The following ACAT1 variants were observed in gnomAD, a reference collection of about 807,000 sequenced individuals.
The protein encoded by ACAT1 is acetyl-CoA acetyltransferase, mitochondrial.
Under a neutral mutation model 47.3 loss-of-function variants are expected in ACAT1, and 28 were observed. That is an observed-to-expected ratio of 0.59 (90% CI 0.44 to 0.81). ACAT1 has a LOEUF of 0.81. Among genes scored for constraint, ACAT1 ranks in the 30% least tolerant of loss-of-function variants. The pLI, the probability that ACAT1 is intolerant of heterozygous loss-of-function variation, is 0.00. For missense variants in ACAT1, 469 were observed against 524.3 expected, an observed-to-expected ratio of 0.89 and a Z score of 1.03; for synonymous variants, 181 against 173.6, an observed-to-expected ratio of 1.04 and a Z score of -0.34.
chr11:108,136,230 G>C (rs1252542340), intron 5 of ACAT1: 1 of 443,870 alleles, frequency 2.3e-6, no homozygotes, highest in African/African-American at 2.0e-5. Context: ...TTACAGGGCT[G>C]AGCATCTGCC....
At chr11:108,132,853 CAAAAAAAAAAAAAAAAAA>C (rs57501370) in intron 2 of ACAT1, among the ~76,000 whole-genome samples, 3 of 47,894 alleles carry the variant, frequency 6.3e-5, no homozygotes, top group African/African-American at 1.8e-4. Flanking sequence ...AACTCCATCT[CAAAAAAAAAAAAAAAAAA>C]AAAAAAAAAA....
intron 6 of ACAT1, 64 bp from the exon 7 acceptor site, chr11:108,140,001 A>G: frequency 6.5e-7 from 1 of 1,542,770 alleles, no homozygotes; most frequent in South Asian, 1.2e-5. Flanking sequence ...TAAGTTAGGC[A>G]AAGTTAATAG....
At position 108,139,222 on chromosome 11, in the gene ACAT1, A is replaced by G. The variant is rs565509503; in HGVS notation, c.579+181A>G. On this transcript the variant is annotated intron_variant, in intron 6 of 11. Coordinates refer to ENST00000265838, the MANE Select transcript of ACAT1 (RefSeq NM_000019.4). The stretch of plus-strand genomic sequence containing the variant: ...ATCGGCATGGCTCAGTCATTAAAGA[A>G]ATTTTCCCACATTTAAATAGGGTAA... 14 of 747,930 alleles carry G rather than the reference A, an allele frequency of 1.9e-5. No homozygotes were observed. The East Asian group carries it at 2.8e-4, about 15-fold the overall frequency. The allele number at this position is 747,930 out of a possible 1,614,324, so 46.3% of individuals were successfully genotyped here. A position where few individuals can be genotyped will look rare whatever the true frequency, so the allele number is the denominator to read the frequency against.
At chr11:108,142,726 A>G in intron 9 of ACAT1, 176 bp downstream of exon 9, 1 of 592,938 alleles carries the variant, frequency 1.7e-6, no homozygotes, top group African/African-American at 1.8e-5. Flanking sequence ...ACTACCATCT[A>G]CTCGGGAAGC....
At position 108,133,832 on chromosome 11, in the gene ACAT1, G is replaced by GT. The variant is rs1444451434; in HGVS notation, c.134dup (p.Ser46LysfsTer21). ...TGTGTCTTGCCAGGAAGTGGTCATA[G>GT]TAAGTGCTACAAGAACACCCATTGG... On this transcript the variant is annotated frameshift_variant, in exon 3 of 12. Transcript: ENST00000265838. LOFTEE classifies it high-confidence loss of function. 1 of 1,613,904 alleles carries GT rather than the reference G, an allele frequency of 6.2e-7. No individual in the cohort carries two copies. Among genetic ancestry groups the GT allele is most frequent in the African/African-American group, 1.3e-5 (1 of 75,032 alleles).
At chr11:108,121,236 A>T, upstream of ACAT1, 3 of 336,034 alleles carry the variant, frequency 8.9e-6, no homozygotes, top group African/African-American at 2.2e-5. Flanking sequence ...TATTTTCATG[A>T]GTTTGTGCTG....
intron 10 of ACAT1, among the ~76,000 whole-genome samples, chr11:108,144,605 G>A (rs2134783047): frequency 6.6e-6 from 1 of 152,130 alleles, no homozygotes; most frequent in South Asian, 2.1e-4. Flanking sequence ...CCTTTTGAGA[G>A]GGCCTCACCC....
intron 2 of ACAT1, among the ~76,000 whole-genome samples, chr11:108,133,482 C>T: frequency 6.6e-6 from 1 of 152,026 alleles, no homozygotes; most frequent in South Asian, 2.1e-4. Flanking sequence ...AAGACCCTGT[C>T]TCAAAAACAA....
chr11:108,144,752 C>A (rs927313400), intron 10 of ACAT1, among the ~76,000 whole-genome samples: 1 of 151,940 alleles, frequency 6.6e-6, no homozygotes, highest in Non-Finnish European at 1.5e-5. Flanking sequence ...TAGAGAAGAT[C>A]AGAAACAAGG....
intron 5 of ACAT1, among the ~76,000 whole-genome samples, chr11:108,135,664 C>T (rs980946110): frequency 6.6e-6 from 1 of 152,044 alleles, no homozygotes; most frequent in Non-Finnish European, 1.5e-5. Context: ...CCCGTCTCTA[C>T]TAAAAATACA....
At chr11:108,142,622 A>T (rs570949711) in intron 9 of ACAT1, 72 bp downstream of exon 9, 1 of 1,288,120 alleles carries the variant, frequency 7.8e-7, no homozygotes, top group Non-Finnish European at 1.1e-6. Flanking sequence ...GGATTGCTTG[A>T]GCCCCGGAGT....
intron 6 of ACAT1, 119 bp downstream of exon 6, chr11:108,139,160 C>A: frequency 7.4e-7 from 1 of 1,355,434 alleles, no homozygotes; most frequent in East Asian, 2.4e-5. Flanking sequence ...TGATTTTAGC[C>A]GTGTACTTTT....
At chr11:108,140,650 A>C (rs2077566646) in intron 7 of ACAT1, among the ~76,000 whole-genome samples, 5 of 152,178 alleles carry the variant, frequency 3.3e-5, no homozygotes, top group Admixed American at 3.3e-4. Flanking sequence ...TTATTCTCTC[A>C]GCCTTTCTAA....
chr11:108,135,178 A>G lies in ACAT1; in HGVS notation c.371A>G (p.Lys124Arg), dbSNP rs1037467160. The part of the protein sequence containing the change: ...PISTPCTTIN[K>R]VCASGMKAIM... The stretch of plus-strand genomic sequence containing the variant: ...TCTACTCCATGTACCACCATAAACA[A>G]AGTTTGTGCTTCAGGAATGAAAGCC... Residue 124 changes from lysine (K) to arginine (R), a missense_variant, in exon 5 of 12, where the codon AAA becomes AGA. Lys to Arg is a conservative substitution (Grantham distance 26). Transcript: ENST00000265838. The G allele has an allele frequency of 6.2e-7, 1 of 1,613,914 alleles. No individual in the cohort carries two copies. Among genetic ancestry groups the G allele is most frequent in the Non-Finnish European group, 8.5e-7 (1 of 1,179,896 alleles).
upstream of ACAT1, chr11:108,121,491 G>T: frequency 8.4e-7 from 1 of 1,184,464 alleles, no homozygotes; most frequent in Non-Finnish European, 1.2e-6. Context: ...CGACTGAGAG[G>T]CGACTATTGG....
chr11:108,144,742 T>C (rs1049122842), intron 10 of ACAT1, among the ~76,000 whole-genome samples: 2 of 151,626 alleles, frequency 1.3e-5, no homozygotes, highest in African/African-American at 4.9e-5. Context: ...GAAACAAGAA[T>C]AGAGAAGATC....
At chr11:108,142,199 C>T (rs2077603683) in intron 8 of ACAT1, among the ~76,000 whole-genome samples, 1 of 152,154 alleles carries the variant, frequency 6.6e-6, no homozygotes, top group Admixed American at 6.5e-5. Flanking sequence ...AGCATTTATC[C>T]AGTGCCATCA....
In ACAT1 at chr11:108,139,990, A is replaced by G. The variant is rs556899054; in HGVS notation, c.580-75A>G. The G allele has an allele frequency of 2.9e-4, 444 of 1,509,198 alleles. 1 individual carries two copies. Among genetic ancestry groups the G allele is most frequent in the Admixed American group, 5.0e-4 (26 of 51,936 alleles). The allele number at this position is 1,509,198 out of a possible 1,614,324, so 93.5% of individuals were successfully genotyped here. On this transcript the variant is annotated intron_variant, in intron 6 of 11. Transcript: ENST00000265838. ...TAAGAAACGTTAACTATTAAACACTATAAGTTAGGCAAAGTTAATAGATAT... is the reference window on the plus strand; with the variant it reads ...TAAGAAACGTTAACTATTAAACACTGTAAGTTAGGCAAAGTTAATAGATAT...
At chr11:108,117,533 TC>T (rs1254107175), upstream of ACAT1, among the ~76,000 whole-genome samples, 1 of 152,046 alleles carries the variant, frequency 6.6e-6, no homozygotes, top group African/African-American at 2.4e-5. Flanking sequence ...GGTCTGGAAC[TC>T]CTGACCTCAG....
Sources: allele counts gnomAD v4.1 joint callset (sites outside exome capture counted in the v4.1 genomes callset), GRCh38; gene constraint gnomAD v4.1.1; transcripts MANE v1.5; gene names NCBI Gene and HGNC (gene_info 2026-07-23, HGNC 2026-07-21).